Variants in ERC1 observed in about 807,000 individuals in gnomAD.
ERC1 encodes RAB6 interacting protein 2.
Under a neutral mutation model 132.0 loss-of-function variants are expected in ERC1, and 56 were observed. That is an observed-to-expected ratio of 0.42 (90% CI 0.34 to 0.53). The LOEUF (loss-of-function observed/expected upper bound fraction) is 0.53. ERC1 is among the 20% of genes least tolerant of loss of function. The pLI, the probability that ERC1 is intolerant of heterozygous loss-of-function variation, is 0.03. For synonymous variants in ERC1, 478 were observed against 476.1 expected, an observed-to-expected ratio of 1.00 and a Z score of -0.05; for missense variants, 1,202 against 1,349.9, an observed-to-expected ratio of 0.89 and a Z score of 1.72.
intron 2 of ERC1, among the ~76,000 whole-genome samples, chr12:1,035,691 G>A (rs1344323570): frequency 6.6e-6 from 1 of 152,146 alleles, no homozygotes; most frequent in African/African-American, 2.4e-5. Flanking sequence ...GGGAGGCTGA[G>A]GTGGGCGGAT....
chr12:1,394,378 T>A (rs547561747), intron 16 of ERC1, among the ~76,000 whole-genome samples: 1 of 152,180 alleles, frequency 6.6e-6, no homozygotes, highest in African/African-American at 2.4e-5. Flanking sequence ...CTAGCCTGGG[T>A]GACAGAGCAA....
Position 1,231,221 on chromosome 12 carries a change from T to TA in ERC1, c.2352-5547dup, listed in dbSNP as rs531980632. 2.5e-3 allele frequency among the ~76,000 whole-genome samples: 375 copies of TA among 152,270 alleles called. 1 individual carries two copies. Among genetic ancestry groups the TA allele is most frequent in the Admixed American group, 6.8e-3 (104 of 15,294 alleles). On this transcript the variant is annotated intron_variant, in intron 12 of 18. Coordinates refer to ENST00000360905, the MANE Select transcript of ERC1 (RefSeq NM_178040.4). ...ACTGGAGGTTAGTTTTCTTTGTGGT[T>TA]ACTATGAGGGTTACATAAGATATCT... is the stretch of plus-strand genomic sequence containing the variant.
chr12:1,121,053 C>A (rs144621222), intron 7 of ERC1, among the ~76,000 whole-genome samples: 1 of 152,212 alleles, frequency 6.6e-6, no homozygotes, highest in Non-Finnish European at 1.5e-5. Context: ...ATGATAATAT[C>A]TAACCTGAGT....
chr12:1,395,122 A>G (rs1458143985), intron 16 of ERC1, among the ~76,000 whole-genome samples: 1 of 152,226 alleles, frequency 6.6e-6, no homozygotes, highest in African/African-American at 2.4e-5. Flanking sequence ...GTTTATTGCA[A>G]GGATGTGAGA....
intron 14 of ERC1, among the ~76,000 whole-genome samples, chr12:1,274,484 A>AT (rs57502925): frequency 0.082 from 12,058 of 147,102 alleles, 592 homozygotes; most frequent in Middle Eastern, 0.15. Flanking sequence ...ATTTTATTTT[A>AT]TTTATTTATT....
chr12:1,148,970 G>A (rs1950611259), intron 8 of ERC1, among the ~76,000 whole-genome samples: 1 of 152,032 alleles, frequency 6.6e-6, no homozygotes, highest in African/African-American at 2.4e-5. Flanking sequence ...CCCATTCTGT[G>A]TACTTTTTTT....
chr12:1,308,366 A>G (rs1594905299), intron 15 of ERC1, among the ~76,000 whole-genome samples: 1 of 152,172 alleles, frequency 6.6e-6, no homozygotes, highest in East Asian at 1.9e-4. Flanking sequence ...TAAAATTAGG[A>G]CATTTCAATA....
intron 9 of ERC1, 66 bp downstream of exon 9, chr12:1,180,743 A>G: frequency 6.4e-7 from 1 of 1,570,918 alleles, no homozygotes; most frequent in Non-Finnish European, 8.7e-7. Flanking sequence ...GACTGGATAT[A>G]GAATACAAAA....
At chr12:1,434,501 G>A (rs776320799) in intron 17 of ERC1, among the ~76,000 whole-genome samples, 21 of 152,156 alleles carry the variant, frequency 1.4e-4, no homozygotes, top group Non-Finnish European at 2.5e-4. Flanking sequence ...GCTTGCTGGC[G>A]CTCTGCTGTT....
At chr12:1,072,641 A>G (rs1940611808) in intron 2 of ERC1, among the ~76,000 whole-genome samples, 1 of 152,056 alleles carries the variant, frequency 6.6e-6, no homozygotes, top group African/African-American at 2.4e-5. Context: ...TGCAAGTTTT[A>G]TCATTTTTGT....
intron 2 of ERC1, among the ~76,000 whole-genome samples, chr12:1,034,469 A>T (rs894696663): frequency 6.6e-6 from 1 of 152,090 alleles, no homozygotes; most frequent in Non-Finnish European, 1.5e-5. Flanking sequence ...TTGTGGAAAA[A>T]TTGCATGTGA....
At chr12:1,487,798 AAG>A (rs1262070222) in intron 18 of ERC1, among the ~76,000 whole-genome samples, 21 of 122,394 alleles carry the variant, frequency 1.7e-4, no homozygotes, top group Non-Finnish European at 9.2e-5. Flanking sequence ...AAAAGAAGGA[AAG>A]AAAAGAAACG....
intron 17 of ERC1, among the ~76,000 whole-genome samples, chr12:1,428,700 G>A (rs962950043): frequency 6.6e-5 from 10 of 152,124 alleles, no homozygotes; most frequent in Admixed American, 2.6e-4. Flanking sequence ...ATAGGACCCC[G>A]CAGTACTGCT....
At chr12:1,360,244 CAG>C (rs1251325829) in intron 15 of ERC1, among the ~76,000 whole-genome samples, 1 of 152,164 alleles carries the variant, frequency 6.6e-6, no homozygotes, top group Non-Finnish European at 1.5e-5. Flanking sequence ...AGAATATAAA[CAG>C]GGATCTGGAT....
At chr12:1,186,508 AC>A (rs1384887966) in intron 11 of ERC1, among the ~76,000 whole-genome samples, 4 of 152,226 alleles carry the variant, frequency 2.6e-5, no homozygotes, top group Admixed American at 6.5e-5. Flanking sequence ...ATTCACTGTT[AC>A]GTCAGCCTCT....
intron 17 of ERC1, among the ~76,000 whole-genome samples, chr12:1,428,319 T>G (rs1047182294): frequency 3.0e-4 from 46 of 152,210 alleles, no homozygotes; most frequent in Non-Finnish European, 7.3e-5. Flanking sequence ...GTGGATGAGT[T>G]TTACCCTAAA....
In ERC1 at chr12:1,133,157, C is replaced by CG. The variant is rs1000191278; in HGVS notation, c.1570-8461dup. On this transcript the variant is annotated intron_variant, in intron 7 of 18. Coordinates refer to ENST00000360905, the MANE Select transcript of ERC1 (RefSeq NM_178040.4). ...ACAGGTGTGAGCCACCACACCTGGC[C>CG]GGTTTTTTTTTGTTTGTTTGTTTTT... Among the ~76,000 whole-genome samples the CG allele has an allele frequency of 6.0e-4, 11 of 18,460 alleles. No individual in the cohort carries two copies. The Non-Finnish European group carries it at 0.012, about 19-fold the overall frequency. The allele number at this position is 18,460 out of a possible 152,430, so 12.1% of individuals were successfully genotyped here.
At chr12:1,273,746 G>T (rs2078045262) in intron 14 of ERC1, among the ~76,000 whole-genome samples, 1 of 152,178 alleles carries the variant, frequency 6.6e-6, no homozygotes, top group Non-Finnish European at 1.5e-5. Context: ...TGGATGGATG[G>T]ATGGATGGTC....
chr12:1,442,944 A>T (rs1196268055), intron 17 of ERC1, among the ~76,000 whole-genome samples: 1 of 152,050 alleles, frequency 6.6e-6, no homozygotes, highest in Non-Finnish European at 1.5e-5. Context: ...GTCTCGCTCT[A>T]TCGCTCAGGC....
Sources: allele counts gnomAD v4.1 joint callset (sites outside exome capture counted in the v4.1 genomes callset), GRCh38; gene constraint gnomAD v4.1.1; transcripts MANE v1.5; gene names NCBI Gene and HGNC (gene_info 2026-07-23, HGNC 2026-07-21).